IFT88: variants seen among roughly 807,000 people sequenced by gnomAD.
The protein encoded by IFT88 is intraflagellar transport protein 88 homolog.
In IFT88, 74 loss-of-function variants were observed where a neutral mutation model predicts 119.5. The observed-to-expected ratio is 0.62, with a 90% CI of 0.51 to 0.75. The LOEUF (loss-of-function observed/expected upper bound fraction) is 0.75, where lower values mean the gene tolerates loss of function less well. Among genes scored for constraint, IFT88 ranks in the 30% least tolerant of loss-of-function variants. The pLI, the probability that IFT88 is intolerant of heterozygous loss-of-function variation, is 0.00. For missense variants in IFT88, 961 were observed against 977.7 expected, an observed-to-expected ratio of 0.98 and a Z score of 0.23; for synonymous variants, 279 against 316.7, an observed-to-expected ratio of 0.88 and a Z score of 1.26.
intron 14 of IFT88, among the ~76,000 whole-genome samples, chr13:20,625,210 G>T (rs1450651913): frequency 1.3e-5 from 2 of 152,142 alleles, no homozygotes; most frequent in Admixed American, 6.5e-5. Context: ...TGTGATCTCA[G>T]ATCTTCCATT....
At chr13:20,579,147 A>G (rs1191739042) in intron 2 of IFT88, among the ~76,000 whole-genome samples, 2 of 152,168 alleles carry the variant, frequency 1.3e-5, no homozygotes, top group African/African-American at 2.4e-5. Flanking sequence ...AAACACTTAT[A>G]ACTATAAACT....
chr13:20,654,256 G>T (rs2052351810), intron 21 of IFT88, among the ~76,000 whole-genome samples: 1 of 152,128 alleles, frequency 6.6e-6, no homozygotes, highest in African/African-American at 2.4e-5. Flanking sequence ...TTTCTACTCA[G>T]TTAATTCTAA....
chr13:20,593,594 A>T (rs2041110817), intron 7 of IFT88, among the ~76,000 whole-genome samples: 1 of 151,954 alleles, frequency 6.6e-6, no homozygotes, highest in African/African-American at 2.4e-5. Context: ...TGTAAATTAC[A>T]TAATTTCCAT....
chr13:20,592,114 C>T (rs563409318), intron 6 of IFT88, among the ~76,000 whole-genome samples: 1 of 152,150 alleles, frequency 6.6e-6, no homozygotes, highest in Admixed American at 6.5e-5. Context: ...GTTTAACACA[C>T]GTATTATTTA....
At chr13:20,625,664 T>C in intron 14 of IFT88, 86 bp from the exon 15 acceptor site, 1 of 863,614 alleles carries the variant, frequency 1.2e-6, no homozygotes, top group Non-Finnish European at 1.8e-6. Context: ...CTTTAAAAAA[T>C]CTTTGAAAAG....
At chr13:20,688,757 T>G (rs2058204502) in intron 24 of IFT88, among the ~76,000 whole-genome samples, 1 of 152,140 alleles carries the variant, frequency 6.6e-6, no homozygotes, top group Admixed American at 6.5e-5. Flanking sequence ...AGATGGGGTC[T>G]TGCTGTATCA....
At chr13:20,680,346 G>C (rs2057174795) in intron 24 of IFT88, among the ~76,000 whole-genome samples, 1 of 152,122 alleles carries the variant, frequency 6.6e-6, no homozygotes, top group African/African-American at 2.4e-5. Flanking sequence ...GGCTTAGACG[G>C]GCCTCTATCA....
Position 20,682,687 on chromosome 13 carries a change from A to G in IFT88, c.2243-8018A>G, listed in dbSNP as rs531721182. Among the ~76,000 whole-genome samples the G allele has an allele frequency of 3.9e-5, 6 of 152,342 alleles. 1 individual carries two copies. Among genetic ancestry groups the G allele is most frequent in the Admixed American group, 3.9e-4 (6 of 15,294 alleles). On this transcript the variant is annotated intron_variant, in intron 24 of 25. Coordinates refer to ENST00000351808, the MANE Select transcript of IFT88 (RefSeq NM_006531.5). The stretch of plus-strand genomic sequence containing the variant: ...TTGTAAGTGATCATAACATTGGAGT[A>G]ATATTTCCCAAGTCGGGGCAGCACA...
rs1312818088 is a variant in IFT88 at position 20,586,511 on chromosome 13, G to A, written c.154-3300G>A. ...AGATAAATTAAGAGTTGATTATTAC[G>A]GGATATGTAGAATTGAGATTGACCT... On this transcript the variant is annotated intron_variant, in intron 3 of 25. Transcript: ENST00000351808. 4.1e-5 allele frequency among the ~76,000 whole-genome samples: 6 copies of A among 146,780 alleles called. No homozygotes were observed. In the South Asian group the frequency reaches 9.1e-4, roughly 22 times the overall value.
intron 17 of IFT88, among the ~76,000 whole-genome samples, chr13:20,640,562 C>G (rs2049751315): frequency 7.0e-6 from 1 of 143,440 alleles, no homozygotes; most frequent in Admixed American, 7.0e-5. Flanking sequence ...GACAGAGCGA[C>G]TCCGTCTCAA....
At chr13:20,597,606 T>A (rs1399044739) in intron 9 of IFT88, among the ~76,000 whole-genome samples, 1 of 151,616 alleles carries the variant, frequency 6.6e-6, no homozygotes, top group Admixed American at 6.6e-5. Context: ...TAGCCGGGTG[T>A]GGTGGCGGGC....
intron 8 of IFT88, 27 bp from the exon 9 acceptor site, chr13:20,596,988 A>G (rs181134154): frequency 6.2e-4 from 802 of 1,285,260 alleles, no homozygotes; most frequent in Non-Finnish European, 8.1e-4. Flanking sequence ...ACTCAAAGGA[A>G]GTTACAAGGT....
intron 20 of IFT88, among the ~76,000 whole-genome samples, chr13:20,649,810 C>T (rs1233861950): frequency 1.3e-5 from 2 of 151,936 alleles, no homozygotes; most frequent in African/African-American, 4.8e-5. Context: ...CAAGTAGAGG[C>T]CTCACTACCA....
At chr13:20,569,268 A>G (rs577445820) in intron 1 of IFT88, among the ~76,000 whole-genome samples, 2,087 of 151,806 alleles carry the variant, frequency 0.014, 32 homozygotes, top group Non-Finnish European at 0.021. Context: ...AATAAATTGT[A>G]TATCATCAAA....
intron 12 of IFT88, among the ~76,000 whole-genome samples, chr13:20,604,131 A>C (rs981689334): frequency 6.6e-6 from 1 of 152,136 alleles, no homozygotes; most frequent in Non-Finnish European, 1.5e-5. Flanking sequence ...AGTCCCACCT[A>C]CTCGAGAAGC....
rs536656048 is a variant in IFT88 at position 20,574,315 on chromosome 13, T to C, written c.-6-65T>C. 1.7e-5 allele frequency: 14 copies of C among 833,858 alleles called. No individual in the cohort carries two copies. The East Asian group carries it at 3.2e-4, about 19-fold the overall frequency. 51.7% of individuals were successfully genotyped at this position (833,858 alleles called of 1,614,324 possible). A position where few individuals can be genotyped will look rare whatever the true frequency, so the allele number is the denominator to read the frequency against. On this transcript the variant is annotated intron_variant, in intron 1 of 25. Transcript: ENST00000351808. The stretch of plus-strand genomic sequence containing the variant: ...AGCCTGGGCAACAGAGCAAGACATA[T>C]CTCAAAAAATATATATATATATTTC...
At chr13:20,659,409 G>A (rs146138129) in intron 22 of IFT88, among the ~76,000 whole-genome samples, 1 of 151,908 alleles carries the variant, frequency 6.6e-6, no homozygotes, top group Non-Finnish European at 1.5e-5. Context: ...TGGAAGGATC[G>A]CTTGAACCCA....
At chr13:20,614,885 C>T (rs1423026700) in intron 13 of IFT88, among the ~76,000 whole-genome samples, 3 of 150,568 alleles carry the variant, frequency 2.0e-5, no homozygotes, top group East Asian at 2.0e-4. Flanking sequence ...GCCCGATCTC[C>T]GCTCACCGCA....
intron 16 of IFT88, chr13:20,631,981 A>AAATTTC (rs1181772555): frequency 1.5e-5 from 2 of 137,748 alleles, no homozygotes; most frequent in Non-Finnish European, 3.1e-5. Context: ...TGTCTCTACA[A>AAATTTC]AAAGTTCAAA....
Sources: allele counts gnomAD v4.1 joint callset (sites outside exome capture counted in the v4.1 genomes callset), GRCh38; gene constraint gnomAD v4.1.1; transcripts MANE v1.5; gene names NCBI Gene and HGNC (gene_info 2026-07-23, HGNC 2026-07-21).